The following AGO2 variants were observed in gnomAD, a reference collection of about 807,000 sequenced individuals.
AGO2 encodes protein argonaute-2.
Under a neutral mutation model 102.3 loss-of-function variants are expected in AGO2, and 5 were observed. The ratio of observed to expected loss-of-function variants is 0.05; its 90% CI spans 0.03 to 0.10. The LOEUF is 0.10. AGO2 is among the 10% of genes least tolerant of loss of function. The pLI, the probability that AGO2 is intolerant of heterozygous loss-of-function variation, is 1.00. For synonymous variants in AGO2, 449 were observed against 473.1 expected (o/e 0.95, Z 0.66); for missense variants, 541 against 1,183.7 (o/e 0.46, Z 7.97).
chr8:140,600,103 A>G (rs908064659), intron 1 of AGO2, among the ~76,000 whole-genome samples: 2 of 152,276 alleles, frequency 1.3e-5, no homozygotes, highest in African/African-American at 4.8e-5. Context: ...ACGCCTTGGC[A>G]GGCACACTGT....
intron 1 of AGO2, among the ~76,000 whole-genome samples, chr8:140,617,131 G>A (rs918892185): frequency 1.3e-5 from 2 of 152,206 alleles, no homozygotes; most frequent in Non-Finnish European, 2.9e-5. Context: ...CTGAAAAAGA[G>A]GGTGTTCTAA....
At chr8:140,595,527 C>T (rs1428844443) in intron 1 of AGO2, among the ~76,000 whole-genome samples, 1 of 147,464 alleles carries the variant, frequency 6.8e-6, no homozygotes, top group African/African-American at 2.5e-5. Context: ...TGCAGTGGTG[C>T]GATCATAGGG....
upstream of AGO2, among the ~76,000 whole-genome samples, chr8:140,638,728 C>A (rs563551288): frequency 1.3e-5 from 2 of 152,150 alleles, no homozygotes; most frequent in East Asian, 3.9e-4. Context: ...GTGCATGCCA[C>A]CATGCCTGGC....
intron 2 of AGO2, among the ~76,000 whole-genome samples, chr8:140,575,935 A>G (rs2073456890): frequency 6.6e-6 from 1 of 152,224 alleles, no homozygotes; most frequent in South Asian, 2.1e-4. Context: ...AAATGTCCCT[A>G]AAGGAAAAAT....
chr8:140,580,573 A>G (rs1184479480), intron 2 of AGO2, among the ~76,000 whole-genome samples: 3 of 152,136 alleles, frequency 2.0e-5, no homozygotes, highest in Admixed American at 2.0e-4. Flanking sequence ...GGCGCTGACC[A>G]TGAGCACCAT....
rs549049794 is a variant in AGO2, at chr8:140,566,148, A to T, written c.337-3514T>A. ...TTGAATTGTATCTCCTAGAATTCCCACATGTTGTGGTAGGAATCCAGGAAG... is the reference window on the plus strand; with the variant it reads ...TTGAATTGTATCTCCTAGAATTCCCTCATGTTGTGGTAGGAATCCAGGAAG... On this transcript the variant is annotated intron_variant, in intron 3 of 18. Transcript: ENST00000220592. Among the ~76,000 whole-genome samples, 4 of 152,286 alleles carry T rather than the reference A, an allele frequency of 2.6e-5. No homozygotes were observed. The South Asian group carries it at 8.3e-4, about 32-fold the overall frequency.
intron 1 of AGO2, among the ~76,000 whole-genome samples, chr8:140,598,989 G>A (rs1444270013): frequency 6.6e-6 from 1 of 152,070 alleles, no homozygotes; most frequent in African/African-American, 2.4e-5. Flanking sequence ...GCTCTCCCTC[G>A]AGGCTCCCAT....
At chr8:140,598,930 C>T (rs2073888925) in intron 1 of AGO2, among the ~76,000 whole-genome samples, 1 of 152,202 alleles carries the variant, frequency 6.6e-6, no homozygotes, top group Admixed American at 6.5e-5. Context: ...TTTGCTCAAT[C>T]TGCTCAATGA....
intron 2 of AGO2, among the ~76,000 whole-genome samples, chr8:140,578,166 C>G (rs13273553): frequency 0.31 from 47,900 of 152,158 alleles, 7,842 homozygotes; most frequent in African/African-American, 0.35. Context: ...AGCAGAGAAA[C>G]TGGACCTCGT....
rs1260486818 is a variant in AGO2, at chr8:140,635,609, C to G, written c.-103G>C. ...GGAGCCGCCGGCCGCACGATCCGCC[C>G]CGGCGCGGCCGCCTCGCCAAACAGG... On this transcript the variant is annotated 5_prime_UTR_variant, in exon 1 of 19. Coordinates refer to ENST00000220592, the MANE Select transcript of AGO2 (RefSeq NM_012154.5). 1.2e-6 allele frequency: 1 copy of G among 827,820 alleles called. No individual in the cohort carries two copies. The highest frequency in any genetic ancestry group is 1.9e-5 in the African/African-American group (1 of 53,530). The allele number at this position is 827,820 out of a possible 1,614,324, so 51.3% of individuals were successfully genotyped here.
At position 140,573,191 on chromosome 8, in the gene AGO2, C is replaced by T. The variant is rs143193336; in HGVS notation, c.216-259G>A. Among the ~76,000 whole-genome samples the T allele has an allele frequency of 1.2e-3, 183 of 150,232 alleles. 2 individuals carry two copies. Among genetic ancestry groups the T allele is most frequent in the East Asian group, 6.5e-3 (33 of 5,116 alleles). On this transcript the variant is annotated intron_variant, in intron 2 of 18. Transcript: ENST00000220592. Reference sequence around the variant, plus strand: ...CTAATTTTTTCTTTTTTTTTTGAGACGGAGTTTCGCTCTTGTTGCCCGGGC... The same window carrying T: ...CTAATTTTTTCTTTTTTTTTTGAGATGGAGTTTCGCTCTTGTTGCCCGGGC...
intron 1 of AGO2, among the ~76,000 whole-genome samples, chr8:140,597,867 C>T (rs2073871145): frequency 6.6e-6 from 1 of 152,246 alleles, no homozygotes. Flanking sequence ...ACGCACACGC[C>T]TGTTCCACTC....
intron 13 of AGO2, 42 bp from the exon 14 acceptor site, chr8:140,544,345 C>T (rs772856804): frequency 3.2e-6 from 5 of 1,545,178 alleles, no homozygotes; most frequent in Admixed American, 4.0e-5. Flanking sequence ...TGAGACACGC[C>T]TGGACCTCTG....
chr8:140,597,582 G>A (rs1344416656), intron 1 of AGO2, among the ~76,000 whole-genome samples: 1 of 147,132 alleles, frequency 6.8e-6, no homozygotes, highest in Non-Finnish European at 1.5e-5. Flanking sequence ...AGAAATAAAT[G>A]AGCATTCAGA....
chr8:140,583,416 G>A (rs1478878964), intron 2 of AGO2, among the ~76,000 whole-genome samples: 1 of 152,186 alleles, frequency 6.6e-6, no homozygotes, highest in Non-Finnish European at 1.5e-5. Flanking sequence ...GATATGGCCT[G>A]AGAAATTCAC....
chr8:140,608,777 G>A (rs1301639404), intron 1 of AGO2, among the ~76,000 whole-genome samples: 1 of 152,228 alleles, frequency 6.6e-6, no homozygotes, highest in Non-Finnish European at 1.5e-5. Flanking sequence ...GTGTCCCTGC[G>A]AGACCTATTA....
At chr8:140,578,174 C>A (rs1016835969) in intron 2 of AGO2, among the ~76,000 whole-genome samples, 2 of 152,206 alleles carry the variant, frequency 1.3e-5, no homozygotes, top group African/African-American at 4.8e-5. Flanking sequence ...AACTGGACCT[C>A]GTGGCTGTGG....
intron 13 of AGO2, among the ~76,000 whole-genome samples, chr8:140,545,425 C>A (rs1396063899): frequency 6.6e-6 from 1 of 152,158 alleles, no homozygotes; most frequent in Non-Finnish European, 1.5e-5. Flanking sequence ...TCTCCCATCT[C>A]CGCTGCTGGT....
At chr8:140,552,687 C>T (rs2073018075) in intron 10 of AGO2, among the ~76,000 whole-genome samples, 1 of 152,120 alleles carries the variant, frequency 6.6e-6, no homozygotes, top group Non-Finnish European at 1.5e-5. Flanking sequence ...CACACACACA[C>T]ACACGCATGC....
Sources: allele counts gnomAD v4.1 joint callset (sites outside exome capture counted in the v4.1 genomes callset), GRCh38; gene constraint gnomAD v4.1.1; transcripts MANE v1.5; gene names NCBI Gene and HGNC (gene_info 2026-07-23, HGNC 2026-07-21).